Variants in EPB41L2 observed in about 807,000 individuals in gnomAD.
EPB41L2 encodes erythrocyte membrane protein band 4.1 like 2.
In EPB41L2, 43 loss-of-function variants were observed where a neutral mutation model predicts 113.0. The observed-to-expected ratio is 0.38, with a 90% CI of 0.30 to 0.49. The LOEUF is 0.49. Among genes scored for constraint, EPB41L2 ranks in the 20% least tolerant of loss-of-function variants. The pLI is 0.95. For synonymous variants in EPB41L2, 442 were observed against 436.7 expected (o/e 1.01, Z -0.15); for missense variants, 1,147 against 1,223.4 (o/e 0.94, Z 0.93).
chr6:131,010,412 TA>T (rs1056731269), intron 1 of EPB41L2, among the ~76,000 whole-genome samples: 3 of 137,038 alleles, frequency 2.2e-5, no homozygotes, highest in Admixed American at 7.5e-5. Context: ...AAGAATTAAT[TA>T]ATTTTTTTTT....
At chr6:130,851,530 A>T (rs1354698780) in intron 19 of EPB41L2, among the ~76,000 whole-genome samples, 7 of 152,202 alleles carry the variant, frequency 4.6e-5, no homozygotes, top group Non-Finnish European at 2.9e-5. Flanking sequence ...CACTAGCTCC[A>T]GTGGCTCCAT....
At chr6:130,925,039 A>G (rs1023004407) in intron 4 of EPB41L2, among the ~76,000 whole-genome samples, 2 of 152,106 alleles carry the variant, frequency 1.3e-5, no homozygotes, top group African/African-American at 4.8e-5. Flanking sequence ...GCAATTAAGA[A>G]TATGAGTCTG....
chr6:130,916,476 T>C (rs1473355754), intron 4 of EPB41L2, among the ~76,000 whole-genome samples: 2 of 152,208 alleles, frequency 1.3e-5, no homozygotes, highest in South Asian at 2.1e-4. Flanking sequence ...TTTATATTCA[T>C]AGAATACCAG....
chr6:130,892,006 CA>C (rs1296378853), intron 10 of EPB41L2, among the ~76,000 whole-genome samples: 1 of 152,020 alleles, frequency 6.6e-6, no homozygotes, highest in African/African-American at 2.4e-5. Context: ...CAGCGTTATG[CA>C]AGGTTTAAAA....
At chr6:131,056,530 T>C (rs2128205578) in intron 1 of EPB41L2, among the ~76,000 whole-genome samples, 1 of 152,304 alleles carries the variant, frequency 6.6e-6, no homozygotes, top group South Asian at 2.1e-4. Flanking sequence ...CCATAGGAAA[T>C]TACTGTTTCA....
At chr6:130,907,086 A>T (rs557504513) in intron 5 of EPB41L2, among the ~76,000 whole-genome samples, 63 of 152,286 alleles carry the variant, frequency 4.1e-4, no homozygotes, top group Middle Eastern at 3.4e-3. Context: ...CACAAAAAAA[A>T]AATAATAATA....
At chr6:131,056,399 C>T (rs1361257317) in intron 1 of EPB41L2, among the ~76,000 whole-genome samples, 2 of 152,072 alleles carry the variant, frequency 1.3e-5, no homozygotes, top group East Asian at 3.8e-4. Context: ...AACTGTTTTC[C>T]CATATATATG....
chr6:130,903,978 C>T (rs1215270865), intron 6 of EPB41L2, among the ~76,000 whole-genome samples: 1 of 152,154 alleles, frequency 6.6e-6, no homozygotes, highest in Non-Finnish European at 1.5e-5. Context: ...AATGAACTAG[C>T]TATTGACTCT....
chr6:130,877,959 G>T, intron 14 of EPB41L2, 145 bp downstream of exon 14: 2 of 736,058 alleles, frequency 2.7e-6, no homozygotes, highest in Non-Finnish European at 3.9e-6. Flanking sequence ...TTAATATTTA[G>T]TATTTACAAA....
chr6:130,936,136 T>G (rs1330898817), intron 3 of EPB41L2, among the ~76,000 whole-genome samples: 2 of 152,250 alleles, frequency 1.3e-5, no homozygotes, highest in Non-Finnish European at 2.9e-5. Context: ...ATAAATGCCT[T>G]CCTTTGGTAA....
chr6:130,927,455 C>T (rs1043750925), intron 3 of EPB41L2, among the ~76,000 whole-genome samples: 2 of 152,208 alleles, frequency 1.3e-5, no homozygotes, highest in South Asian at 4.2e-4. Context: ...TGACTCATCT[C>T]CAATTAAGAT....
At chr6:130,853,699 C>G (rs1029334868) in intron 19 of EPB41L2, among the ~76,000 whole-genome samples, 1 of 152,148 alleles carries the variant, frequency 6.6e-6, no homozygotes, top group Admixed American at 6.5e-5. Context: ...CTCTCCCCTC[C>G]CCCTACTTTC....
chr6:130,978,081 T>C (rs1249497211), intron 1 of EPB41L2, among the ~76,000 whole-genome samples: 1 of 152,210 alleles, frequency 6.6e-6, no homozygotes, highest in Non-Finnish European at 1.5e-5. Flanking sequence ...CCATCCCCTA[T>C]AATTTCCCTT....
intron 1 of EPB41L2, among the ~76,000 whole-genome samples, chr6:131,027,821 A>C (rs1791219956): frequency 6.6e-6 from 1 of 152,244 alleles, no homozygotes; most frequent in Non-Finnish European, 1.5e-5. Context: ...AAATTTTAAA[A>C]ATTAAAACCA....
chr6:130,977,124 C>T (rs1018185704), intron 1 of EPB41L2, among the ~76,000 whole-genome samples: 5 of 152,196 alleles, frequency 3.3e-5, no homozygotes, highest in African/African-American at 1.2e-4. Context: ...ATGACACCCA[C>T]CTTGCCTTAG....
At chr6:130,997,818 G>A (rs1230895571) in intron 1 of EPB41L2, among the ~76,000 whole-genome samples, 5 of 152,070 alleles carry the variant, frequency 3.3e-5, no homozygotes, top group African/African-American at 1.2e-4. Context: ...AGTCTGTAGG[G>A]AAGAATTAAA....
intron 6 of EPB41L2, among the ~76,000 whole-genome samples, chr6:130,903,990 C>T (rs1313325096): frequency 6.6e-6 from 1 of 152,064 alleles, no homozygotes; most frequent in Admixed American, 6.5e-5. Context: ...ATTGACTCTA[C>T]ATAAGAAATC....
intron 19 of EPB41L2, among the ~76,000 whole-genome samples, chr6:130,852,584 G>A (rs906765907): frequency 3.0e-4 from 46 of 152,118 alleles, no homozygotes; most frequent in African/African-American, 1.0e-3. Context: ...TAAATATGAT[G>A]TGTGATTCTC....
In EPB41L2 at chr6:130,869,955, A is replaced by C; in HGVS notation, c.2215T>G (p.Ser739Ala). The C allele has an allele frequency of 6.2e-7, 1 of 1,613,238 alleles. No individual in the cohort carries two copies. The highest frequency in any genetic ancestry group is 8.5e-7 in the Non-Finnish European group (1 of 1,179,940). The change falls in exon 15 of 20, where the codon TCT (serine) becomes GCT (alanine). Residue 739 changes from serine to alanine, a missense_variant. Coordinates refer to ENST00000337057, the MANE Select transcript of EPB41L2 (RefSeq NM_001431.4). Reference sequence around the variant, plus strand: ...TCACTGCTGCTGCTGCTGCTCTCAGAAGACAGGGAGGTGGAGTCTTTTTGT... The same window carrying C: ...TCACTGCTGCTGCTGCTGCTCTCAGCAGACAGGGAGGTGGAGTCTTTTTGT... ...VTQKDSTSLS[S>A]ESSSSSSESE...
Sources: gnomAD v4.1 joint callset for allele counts (sites outside exome capture counted in the v4.1 genomes callset) on GRCh38, gnomAD v4.1.1 for gene constraint, MANE v1.5 for transcripts, NCBI Gene and HGNC (gene_info 2026-07-23, HGNC 2026-07-21) for gene names.